The following CMTM2 variants were observed in gnomAD, a reference collection of about 807,000 sequenced individuals.
CMTM2 encodes the protein CKLF like MARVEL transmembrane domain containing 2.
Under a neutral mutation model 16.8 loss-of-function variants are expected in CMTM2, and 15 were observed. The ratio of observed to expected loss-of-function variants is 0.89; its 90% CI spans 0.60 to 1.37. The LOEUF (loss-of-function observed/expected upper bound fraction) is 1.37, where lower values mean the gene tolerates loss of function less well. CMTM2 is among the 40% of genes most tolerant of loss of function. The pLI, the probability that CMTM2 is intolerant of heterozygous loss-of-function variation, is 0.00. For synonymous variants in CMTM2, 117 were observed against 118.7 expected, an observed-to-expected ratio of 0.99 and a Z score of 0.09; for missense variants, 282 against 318.0, an observed-to-expected ratio of 0.89 and a Z score of 0.86.
Position 66,583,286 on chromosome 16 carries a change from G to A in CMTM2, c.444+3102G>A, listed in dbSNP as rs1054581615. Among the ~76,000 whole-genome samples, 8 of 152,092 alleles carry A rather than the reference G, an allele frequency of 5.3e-5. 1 individual carries two copies. The highest frequency in any genetic ancestry group is 1.3e-4 in the Admixed American group (2 of 15,264). On this transcript the variant is annotated intron_variant, in intron 2 of 3. Coordinates refer to ENST00000268595, the MANE Select transcript of CMTM2 (RefSeq NM_144673.3). ...GTGGGTGGACCACTTGAGGCCAGGA[G>A]TTCCAGACCAGCCTGGCCAACATGG...
At chr16:66,582,697 G>A (rs1197913560) in intron 2 of CMTM2, among the ~76,000 whole-genome samples, 5 of 151,636 alleles carry the variant, frequency 3.3e-5, no homozygotes, top group Non-Finnish European at 2.9e-5. Context: ...GTGAGACCCT[G>A]TCTAAAAAAT....
At position 66,579,969 on chromosome 16, in the gene CMTM2, T is replaced by A. The variant is rs1255291614; in HGVS notation, c.286-57T>A. The A allele has an allele frequency of 5.6e-6, 9 of 1,612,338 alleles. No homozygotes were observed. The highest frequency in any genetic ancestry group is 7.6e-6 in the Non-Finnish European group (9 of 1,179,078). ...AAGGAGGAGTAGGCTCCAGGGGTCCTCAGAGAGATGGTGAAAGGCCCTTGC... is the reference window on the plus strand; with the variant it reads ...AAGGAGGAGTAGGCTCCAGGGGTCCACAGAGAGATGGTGAAAGGCCCTTGC... On this transcript the variant is annotated intron_variant, in intron 1 of 3. Transcript: ENST00000268595. This position sits in a 1 kb window ranked among gnomAD's most constrained non-coding sequence, Gnocchi z 6.5.
rs546893851 is a variant in CMTM2, at chr16:66,587,510, T to G, written c.547-409T>G. Among the ~76,000 whole-genome samples, 5 of 151,814 alleles carry G rather than the reference T, an allele frequency of 3.3e-5. No homozygotes were observed. In the South Asian group the frequency reaches 8.3e-4, roughly 25 times the overall value. ...AGGCAGAGGTTGCAGCGAGCAGAGA[T>G]TGCAGCACTGCACTCCACCCCGGAC... On this transcript the variant is annotated intron_variant, in intron 3 of 3. Transcript: ENST00000268595.
intron 2 of CMTM2, among the ~76,000 whole-genome samples, chr16:66,582,685 G>A (rs1250937091): frequency 6.6e-6 from 1 of 152,116 alleles, no homozygotes; most frequent in Non-Finnish European, 1.5e-5. Context: ...CTGAGTGACA[G>A]AGTGAGACCC....
At chr16:66,580,453 G>T (rs549260069) in intron 2 of CMTM2, 4 of 459,874 alleles carry the variant, frequency 8.7e-6, no homozygotes, top group African/African-American at 7.8e-5. Context: ...CTGAGCCTTT[G>T]TTCTCTTTAG....
rs767327042 is a variant in CMTM2, at chr16:66,588,075, C to T, written c.703C>T (p.Pro235Ser). The change falls in exon 4 of 4, where the codon CCA (proline) becomes TCA (serine). Residue 235 changes from proline (P) to serine (S), a missense_variant. Coordinates refer to ENST00000268595, the MANE Select transcript of CMTM2 (RefSeq NM_144673.3). ...QGKGPEPAKP[P>S]EPGKPPGPAK... is the part of the protein sequence containing the mutation. ...CAAGGGACCAGAACCCGCCAAGCCACCAGAACCTGGCAAGCCACCAGGGCC... is the reference window on the plus strand; with the variant it reads ...CAAGGGACCAGAACCCGCCAAGCCATCAGAACCTGGCAAGCCACCAGGGCC... 1.2e-6 allele frequency: 2 copies of T among 1,613,250 alleles called. No homozygotes were observed. The highest frequency in any genetic ancestry group is 1.3e-5 in the African/African-American group (1 of 75,010).
At position 66,587,160 on chromosome 16, in the gene CMTM2, G is replaced by A. The variant is rs557681352; in HGVS notation, c.546+62G>A. 6.7e-5 allele frequency: 85 copies of A among 1,264,874 alleles called. 1 individual carries two copies. The highest frequency in any genetic ancestry group is 5.6e-4 in the Middle Eastern group (3 of 5,384). The allele number at this position is 1,264,874 out of a possible 1,614,324, so 78.4% of individuals were successfully genotyped here. ...AATTCACTTCTTTTGGAGGATGGGT[G>A]TTGTCCTCTGTTTAAGGAAAGGGCT... On this transcript the variant is annotated intron_variant, in intron 3 of 3. Coordinates refer to ENST00000268595, the MANE Select transcript of CMTM2 (RefSeq NM_144673.3).
rs1445150592 is a variant in CMTM2 at position 66,579,961 on chromosome 16, AG to A, written c.286-61del. 1.9e-6 allele frequency: 3 copies of A among 1,611,528 alleles called. No individual in the cohort carries two copies. Among genetic ancestry groups the A allele is most frequent in the Non-Finnish European group, 2.5e-6 (3 of 1,178,638 alleles). ...GTGGGGGGAAGGAGGAGTAGGCTCC[AG>A]GGGTCCTCAGAGAGATGGTGAAAGG... On this transcript the variant is annotated intron_variant, in intron 1 of 3. Coordinates refer to ENST00000268595, the MANE Select transcript of CMTM2 (RefSeq NM_144673.3). This position sits in a 1 kb window ranked among gnomAD's most constrained non-coding sequence, Gnocchi z 6.5.
intron 3 of CMTM2, among the ~76,000 whole-genome samples, chr16:66,587,488 C>T (rs771307817): frequency 8.6e-5 from 13 of 151,886 alleles, no homozygotes; most frequent in Non-Finnish European, 1.6e-4. Flanking sequence ...ATCCAGGAGG[C>T]AGAGGTTGCA....
At position 66,579,963 on chromosome 16, in the gene CMTM2, G is replaced by A. The variant is rs2014696130; in HGVS notation, c.286-63G>A. On this transcript the variant is annotated intron_variant, in intron 1 of 3. Transcript: ENST00000268595. The surrounding 1 kb of genome is among the most constrained non-coding windows in gnomAD (Gnocchi z 6.5). ...GGGGGGAAGGAGGAGTAGGCTCCAG[G>A]GGTCCTCAGAGAGATGGTGAAAGGC... 1 of 1,611,794 alleles carries A rather than the reference G, an allele frequency of 6.2e-7. No homozygotes were observed. The highest frequency in any genetic ancestry group is 8.5e-7 in the Non-Finnish European group (1 of 1,178,772).
rs1269662948 is a variant in CMTM2, at chr16:66,587,113, G to A, written c.546+15G>A. 1 of 1,590,746 alleles carries A rather than the reference G, an allele frequency of 6.3e-7. No individual in the cohort carries two copies. Among genetic ancestry groups the A allele is most frequent in the Admixed American group, 1.7e-5 (1 of 59,992 alleles). On this transcript the variant is annotated intron_variant, in intron 3 of 3. Coordinates refer to ENST00000268595, the MANE Select transcript of CMTM2 (RefSeq NM_144673.3). ...TACTTGCTGTGGTGAGTCTTTCCAT[G>A]CTGGGCCTTGCATTTGCTCTGAATT...
In CMTM2 at chr16:66,587,258, T is replaced by C. The variant is rs139664288; in HGVS notation, c.546+160T>C. Among the ~76,000 whole-genome samples the C allele has an allele frequency of 8.0e-3, 1,224 of 152,312 alleles. 11 individuals carry two copies. The highest frequency in any genetic ancestry group is 0.028 in the African/African-American group (1,175 of 41,564). On this transcript the variant is annotated intron_variant, in intron 3 of 3. Coordinates refer to ENST00000268595, the MANE Select transcript of CMTM2 (RefSeq NM_144673.3). ...TAAGTAGGCCGGGTGCAGTGGTTCA[T>C]GCCTATAATCCCAGCACTTTGGGAG...
intron 3 of CMTM2, among the ~76,000 whole-genome samples, chr16:66,587,429 T>A (rs2014806261): frequency 6.6e-6 from 1 of 152,140 alleles, no homozygotes. Context: ...TGGTGGCACA[T>A]GCCTGTAATC....
Position 66,579,561 on chromosome 16 carries a change from G to C in CMTM2, c.-47G>C. 6.2e-7 allele frequency: 1 copy of C among 1,608,284 alleles called. No homozygotes were observed. Among genetic ancestry groups the C allele is most frequent in the South Asian group, 1.1e-5 (1 of 90,604 alleles). ...TGGCCTACCCAGAAACAGCAGGAGA[G>C]AGAAGAAACAGGCCAGCTGTGAGAA... On this transcript the variant is annotated 5_prime_UTR_variant, in exon 1 of 4. Transcript: ENST00000268595. This position sits in a 1 kb window ranked among gnomAD's most constrained non-coding sequence, Gnocchi z 6.5.
chr16:66,587,188 T>G, intron 3 of CMTM2, 90 bp downstream of exon 3: 2 of 1,041,080 alleles, frequency 1.9e-6, no homozygotes, highest in Non-Finnish European at 3.0e-6. Flanking sequence ...AAAGGGCTTC[T>G]TTATTTTCCA....
rs765287841 is a variant in CMTM2 at position 66,579,753 on chromosome 16, C to G, written c.146C>G (p.Ser49Trp). The change falls in exon 1 of 4, where the codon TCG becomes TGG. Residue 49 changes from serine (S) to tryptophan (W), a missense_variant. By Grantham distance (177) the Ser-to-Trp change is radical (BLOSUM62 -3). Coordinates refer to ENST00000268595, the MANE Select transcript of CMTM2 (RefSeq NM_144673.3). The surrounding 1 kb of genome is among the most constrained non-coding windows in gnomAD (Gnocchi z 6.5). ...GCGGTGCAGGACCATAAGGAGCCAT[C>G]GGACAAACCTCAAAAGGCGGTGCAG... ...QKAVQDHKEP[S>W]DKPQKAVQPK... is the part of the protein sequence containing the mutation. 5 of 1,613,966 alleles carry G rather than the reference C, an allele frequency of 3.1e-6. No individual in the cohort carries two copies. The South Asian group carries it at 5.5e-5, about 18-fold the overall frequency.
chr16:66,586,976 G>A (rs770085686), intron 2 of CMTM2, 21 bp from the exon 3 acceptor site: 9 of 1,595,028 alleles, frequency 5.6e-6, no homozygotes, highest in Non-Finnish European at 6.9e-6. Context: ...GGCTGAGGCT[G>A]ACTAACCTCT....
chr16:66,579,838 C>G lies in CMTM2; in HGVS notation c.231C>G (p.Asp77Glu). ...GCRRYRWELKDSNKEFWLLGH... is the reference protein window; with the variant it reads ...GCRRYRWELKESNKEFWLLGH... ...GCCGCTACCGGTGGGAATTAAAAGA[C>G]AGCAATAAAGAGTTCTGGCTCTTGG... The change falls in exon 1 of 4, where the codon GAC (aspartate) becomes GAG (glutamate). Residue 77 changes from aspartate (D) to glutamate (E), a missense_variant. By Grantham distance (45) the Asp-to-Glu change is conservative. Transcript: ENST00000268595. This position sits in a 1 kb window ranked among gnomAD's most constrained non-coding sequence, Gnocchi z 6.5. The G allele has an allele frequency of 6.2e-7, 1 of 1,613,846 alleles. No homozygotes were observed. Among genetic ancestry groups the G allele is most frequent in the Non-Finnish European group, 8.5e-7 (1 of 1,180,024 alleles).
chr16:66,587,854 C>G, intron 3 of CMTM2, 65 bp from the exon 4 acceptor site: 1 of 1,528,612 alleles, frequency 6.5e-7, no homozygotes, highest in Non-Finnish European at 9.0e-7. Context: ...AATGAGAAAC[C>G]AGGAGGGAAA....
Sources: gnomAD v4.1 joint callset for allele counts (sites outside exome capture counted in the v4.1 genomes callset) on GRCh38, gnomAD v4.1.1 for gene constraint, Gnocchi (gnomAD v3.1) non-coding constraint, MANE v1.5 for transcripts, NCBI Gene and HGNC (gene_info 2026-07-23, HGNC 2026-07-21) for gene names.